The following JAK1 variants were observed in gnomAD, a reference collection of about 807,000 sequenced individuals.
JAK1 encodes the protein tyrosine-protein kinase JAK1.
In JAK1, 16 loss-of-function variants were observed where a neutral mutation model predicts 136.6. The ratio of observed to expected loss-of-function variants is 0.12; its 90% CI spans 0.08 to 0.18. JAK1 has a LOEUF of 0.18. JAK1 is among the 10% of genes least tolerant of loss of function. The probability of loss-of-function intolerance (pLI) is 1.00; values close to 1 mark genes in which losing one functional copy is unlikely to be tolerated. For synonymous variants in JAK1, 492 were observed against 519.5 expected, an observed-to-expected ratio of 0.95 and a Z score of 0.72; for missense variants, 859 against 1,450.1, an observed-to-expected ratio of 0.59 and a Z score of 6.62.
At chr1:64,954,501 T>C (rs1215835352) in intron 1 of JAK1, among the ~76,000 whole-genome samples, 1 of 152,222 alleles carries the variant, frequency 6.6e-6, no homozygotes, top group Non-Finnish European at 1.5e-5. Flanking sequence ...CAAGGTGCTT[T>C]GCTCGTTTTC....
chr1:64,835,523 C>A lies in JAK1; in HGVS notation c.3259-17G>T. On this transcript the variant is annotated splice_polypyrimidine_tract_variant and intron_variant, in intron 23 of 24. Coordinates refer to ENST00000342505, the MANE Select transcript of JAK1 (RefSeq NM_002227.4). ...CAGGAACAACTATATAAAATAAAAT[C>A]AAACAAAACGTTTAACTTTGCAAGT... is the stretch of plus-strand genomic sequence containing the variant. 7.0e-7 allele frequency: 1 copy of A among 1,430,156 alleles called. No individual in the cohort carries two copies. The highest frequency in any genetic ancestry group is 9.7e-7 in the Non-Finnish European group (1 of 1,031,214). The allele number at this position is 1,430,156 out of a possible 1,614,324, so 88.6% of individuals were successfully genotyped here. A position where few individuals can be genotyped will look rare whatever the true frequency, so the allele number is the denominator to read the frequency against.
intron 2 of JAK1, among the ~76,000 whole-genome samples, chr1:65,000,850 G>T (rs1391799284): frequency 6.9e-6 from 1 of 144,698 alleles, no homozygotes; most frequent in Non-Finnish European, 1.5e-5. Flanking sequence ...AAAAAGGAGG[G>T]TTTTTTTTTT....
intron 3 of JAK1, among the ~76,000 whole-genome samples, chr1:64,880,898 G>A (rs540863732): frequency 2.0e-4 from 31 of 152,078 alleles, no homozygotes; most frequent in Non-Finnish European, 4.3e-4. Flanking sequence ...AGTGAGCCAA[G>A]ATCATGCCAC....
At chr1:65,001,539 C>T (rs1236150054) in intron 2 of JAK1, among the ~76,000 whole-genome samples, 2 of 151,952 alleles carry the variant, frequency 1.3e-5, no homozygotes, top group East Asian at 1.9e-4. Flanking sequence ...AGAGGGGGTG[C>T]ATGTGTGCGT....
chr1:65,049,164 G>A (rs1647220268), intron 1 of JAK1, among the ~76,000 whole-genome samples: 1 of 152,212 alleles, frequency 6.6e-6, no homozygotes, highest in South Asian at 2.1e-4. Context: ...GCTCATGCCT[G>A]TAATCCCAGT....
chr1:64,927,317 T>C (rs1645599459), intron 1 of JAK1, among the ~76,000 whole-genome samples: 1 of 152,228 alleles, frequency 6.6e-6, no homozygotes, highest in South Asian at 2.1e-4. Flanking sequence ...TCCATGTATT[T>C]GTTTTGTGTC....
chr1:64,969,128 T>C (rs1489175994), upstream of JAK1, among the ~76,000 whole-genome samples: 1 of 150,982 alleles, frequency 6.6e-6, no homozygotes, highest in African/African-American at 2.4e-5. Flanking sequence ...AAAAAATAAG[T>C]ATATGCTGTG....
chr1:65,048,850 T>C (rs28705247), intron 1 of JAK1, among the ~76,000 whole-genome samples: 5 of 152,156 alleles, frequency 3.3e-5, no homozygotes, highest in Admixed American at 1.3e-4. Context: ...CTTTTTCTCA[T>C]GGGAGCAGCT....
At chr1:65,056,381 T>G (rs997291803) in intron 1 of JAK1, among the ~76,000 whole-genome samples, 2 of 152,138 alleles carry the variant, frequency 1.3e-5, no homozygotes, top group African/African-American at 4.8e-5. Flanking sequence ...TGGTTCCTCT[T>G]TGGGTAGAGC....
Position 64,934,545 on chromosome 1 carries a change from A to G in JAK1, c.-78+31788T>C, listed in dbSNP as rs992200878. ...CAGCCATTACGAAATGAGAGGGGCG[A>G]GAAGCTCGGGTTGTGGACCCACAAG... On this transcript the variant is annotated intron_variant, in intron 1 of 24. Transcript: ENST00000342505. Among the ~76,000 whole-genome samples, 5 of 152,342 alleles carry G rather than the reference A, an allele frequency of 3.3e-5. No individual in the cohort carries two copies. In the South Asian group the frequency reaches 1.0e-3, roughly 32 times the overall value.
chr1:64,966,676 G>A (rs963122632), upstream of JAK1, among the ~76,000 whole-genome samples: 1 of 150,326 alleles, frequency 6.7e-6, no homozygotes, highest in African/African-American at 2.4e-5. Context: ...TCCCGGCGGA[G>A]ACTCTGCGCC....
At chr1:64,915,373 G>A (rs1645376908) in intron 1 of JAK1, among the ~76,000 whole-genome samples, 1 of 152,130 alleles carries the variant, frequency 6.6e-6, no homozygotes, top group South Asian at 2.1e-4. Flanking sequence ...CACAAATACT[G>A]AATCCCAAGC....
rs1319056562 is a variant in JAK1, at chr1:64,864,879, C to G, written c.1084G>C (p.Glu362Gln). 10 of 1,613,876 alleles carry G rather than the reference C, an allele frequency of 6.2e-6. No individual in the cohort carries two copies. The highest frequency in any genetic ancestry group is 8.5e-6 in the Non-Finnish European group (10 of 1,179,734). The change falls in exon 8 of 25, where the codon GAG becomes CAG. Residue 362 changes from glutamate to glutamine, a missense_variant. By Grantham distance (29) the Glu-to-Gln change is conservative. Coordinates refer to ENST00000342505, the MANE Select transcript of JAK1 (RefSeq NM_002227.4). The part of the protein sequence containing the change: ...KDEEKNKIRE[E>Q]WNNFSYFPEI... ...GGGAAGTAAGAAAAATTGTTCCACTCTTCCCGGATCTTGTTTTTCTCCTCA... is the reference window on the plus strand; with the variant it reads ...GGGAAGTAAGAAAAATTGTTCCACTGTTCCCGGATCTTGTTTTTCTCCTCA...
chr1:64,903,800 T>C (rs1334130100), intron 1 of JAK1, among the ~76,000 whole-genome samples: 3 of 152,238 alleles, frequency 2.0e-5, no homozygotes, highest in Non-Finnish European at 4.4e-5. Context: ...TATGTTAACA[T>C]AACCCAGCTG....
chr1:64,982,140 A>G (rs775648976), intron 2 of JAK1, among the ~76,000 whole-genome samples: 3 of 151,924 alleles, frequency 2.0e-5, no homozygotes, highest in Non-Finnish European at 4.4e-5. Context: ...ACACACACAT[A>G]CAACCAGGGA....
At chr1:64,836,756 T>C (rs72675438) in intron 22 of JAK1, among the ~76,000 whole-genome samples, 8,063 of 152,338 alleles carry the variant, frequency 0.053, 338 homozygotes, top group Admixed American at 0.14. Flanking sequence ...TAATTCATGC[T>C]GTCACTAGCT....
intron 22 of JAK1, 150 bp from the exon 23 acceptor site, chr1:64,836,365 T>C (rs1654478575): frequency 1.6e-6 from 1 of 641,412 alleles, no homozygotes; most frequent in Non-Finnish European, 2.8e-6. Flanking sequence ...ATACCATGTA[T>C]ACGCTGCTAT....
chr1:65,067,464 C>G (rs1347712978), intron 1 of JAK1: 1 of 147,292 alleles, frequency 6.8e-6, no homozygotes, highest in Non-Finnish European at 1.5e-5. Flanking sequence ...TCCACGGCGG[C>G]GCACGGGCGC....
At chr1:65,036,524 T>C (rs1304737510) in intron 2 of JAK1, among the ~76,000 whole-genome samples, 6 of 152,212 alleles carry the variant, frequency 3.9e-5, no homozygotes, top group Non-Finnish European at 5.9e-5. Context: ...AGGGGGATTG[T>C]CTGACAACTT....
Sources: gnomAD v4.1 joint callset for allele counts (sites outside exome capture counted in the v4.1 genomes callset) on GRCh38, gnomAD v4.1.1 for gene constraint, MANE v1.5 for transcripts, NCBI Gene and HGNC (gene_info 2026-07-23, HGNC 2026-07-21) for gene names.